PDE4D: variants seen among roughly 807,000 people sequenced by gnomAD.
PDE4D encodes the protein 3',5'-cyclic-AMP phosphodiesterase 4D.
A neutral mutation model predicts 87.4 loss-of-function variants in PDE4D; 24 were observed. That is an observed-to-expected ratio of 0.27 (90% CI 0.20 to 0.39). The LOEUF (loss-of-function observed/expected upper bound fraction) is 0.39. Among genes scored for constraint, PDE4D ranks in the 10% least tolerant of loss-of-function variants. The pLI is 1.00. For missense variants in PDE4D, 714 were observed against 1,041.0 expected, an observed-to-expected ratio of 0.69 and a Z score of 4.32; for synonymous variants, 384 against 383.2, an observed-to-expected ratio of 1.00 and a Z score of -0.02.
chr5:59,100,405 T>C (rs1187210935), intron 5 of PDE4D, among the ~76,000 whole-genome samples: 1 of 152,222 alleles, frequency 6.6e-6, no homozygotes, highest in Non-Finnish European at 1.5e-5. Flanking sequence ...CTTTCGTTTA[T>C]GGAGATTCCA....
intron 1 of PDE4D, among the ~76,000 whole-genome samples, chr5:59,750,082 A>AC (rs200943022): frequency 9.3e-6 from 1 of 107,836 alleles, no homozygotes; most frequent in African/African-American, 3.7e-5. Flanking sequence ...CAGAATTATG[A>AC]CCTTTTTTTT....
At chr5:59,545,509 C>T (rs1342868699) in intron 1 of PDE4D, among the ~76,000 whole-genome samples, 8 of 152,088 alleles carry the variant, frequency 5.3e-5, no homozygotes, top group African/African-American at 1.7e-4. Context: ...TTTCCCAAAA[C>T]CATAGATAAC....
chr5:59,662,098 C>T (rs1745344970), intron 1 of PDE4D, among the ~76,000 whole-genome samples: 1 of 152,162 alleles, frequency 6.6e-6, no homozygotes, highest in Non-Finnish European at 1.5e-5. Flanking sequence ...CTTCCCCCAG[C>T]CTCTTGCTCT....
rs911450964 is a variant in PDE4D, at chr5:59,008,588, T to C, written c.922-15123A>G. Among the ~76,000 whole-genome samples the C allele has an allele frequency of 2.6e-5, 4 of 152,000 alleles. No individual in the cohort carries two copies. The South Asian group carries it at 8.3e-4, about 31-fold the overall frequency. On this transcript the variant is annotated intron_variant, in intron 6 of 14. Coordinates refer to ENST00000340635, the MANE Select transcript of PDE4D (RefSeq NM_001104631.2). ...ATCCTGCACCACACTAACATCTACT[T>C]GAAATGAATCATAGAACTAAATGTA...
chr5:59,799,980 C>T (rs542189888), intron 1 of PDE4D, among the ~76,000 whole-genome samples: 6 of 152,088 alleles, frequency 3.9e-5, no homozygotes, highest in East Asian at 1.9e-4. Context: ...CAAAATTCTA[C>T]GAAAGGCAGG....
At chr5:60,026,595 A>G (rs1766649973) in intron 2 of PDE4D, among the ~76,000 whole-genome samples, 1 of 152,130 alleles carries the variant, frequency 6.6e-6, no homozygotes, top group East Asian at 1.9e-4. Context: ...AACTCGATGA[A>G]TAATATTTAG....
intron 1 of PDE4D, among the ~76,000 whole-genome samples, chr5:59,531,032 A>T (rs1385217484): frequency 6.6e-6 from 1 of 152,252 alleles, no homozygotes; most frequent in Non-Finnish European, 1.5e-5. Flanking sequence ...TCCAGCAAAC[A>T]TGAAAAAGTA....
intron 5 of PDE4D, among the ~76,000 whole-genome samples, chr5:59,140,455 A>G (rs1424991645): frequency 6.6e-6 from 1 of 152,166 alleles, no homozygotes; most frequent in Non-Finnish European, 1.5e-5. Context: ...TATTTCTTGG[A>G]TGGAAAATTT....
intron 2 of PDE4D, among the ~76,000 whole-genome samples, chr5:60,112,726 C>T (rs1055546163): frequency 6.6e-6 from 1 of 152,044 alleles, no homozygotes; most frequent in African/African-American, 2.4e-5. Flanking sequence ...GCCATAACAC[C>T]CTCTGCCGAC....
chr5:59,753,534 G>A (rs1185055321), intron 1 of PDE4D, among the ~76,000 whole-genome samples: 1 of 152,152 alleles, frequency 6.6e-6, no homozygotes, highest in South Asian at 2.1e-4. Flanking sequence ...GGGAAATGAG[G>A]TTTAAGAGTA....
intron 1 of PDE4D, among the ~76,000 whole-genome samples, chr5:59,457,301 C>T (rs1211750252): frequency 6.6e-6 from 1 of 152,178 alleles, no homozygotes; most frequent in Non-Finnish European, 1.5e-5. Context: ...AAAAAGATTA[C>T]TACTTGCTGA....
chr5:59,965,417 C>T (rs987363083), intron 3 of PDE4D, among the ~76,000 whole-genome samples: 1 of 152,126 alleles, frequency 6.6e-6, no homozygotes, highest in African/African-American at 2.4e-5. Context: ...CATGGTTACC[C>T]TAAAACTCTA....
At chr5:60,483,806 T>C (rs1441445144) in intron 1 of PDE4D, among the ~76,000 whole-genome samples, 4 of 152,206 alleles carry the variant, frequency 2.6e-5, no homozygotes, top group African/African-American at 4.8e-5. Flanking sequence ...CACTCCATTT[T>C]AATACGTTTT....
intron 1 of PDE4D, among the ~76,000 whole-genome samples, chr5:60,356,253 T>C (rs1254657188): frequency 6.6e-6 from 1 of 152,186 alleles, no homozygotes; most frequent in African/African-American, 2.4e-5. Context: ...ACAGAGTGAT[T>C]ATTATGTTCT....
chr5:60,374,870 T>C (rs1761311971), intron 1 of PDE4D, among the ~76,000 whole-genome samples: 1 of 152,236 alleles, frequency 6.6e-6, no homozygotes, highest in South Asian at 2.1e-4. Context: ...AATATGCACA[T>C]ATACATATAT....
At chr5:60,019,990 T>C (rs1765884827) in intron 2 of PDE4D, among the ~76,000 whole-genome samples, 1 of 152,174 alleles carries the variant, frequency 6.6e-6, no homozygotes, top group Non-Finnish European at 1.5e-5. Flanking sequence ...CTCACTAAGA[T>C]TAATCATTTC....
intron 2 of PDE4D, among the ~76,000 whole-genome samples, chr5:60,084,155 G>C (rs1298707658): frequency 6.6e-6 from 1 of 152,142 alleles, no homozygotes; most frequent in Non-Finnish European, 1.5e-5. Flanking sequence ...AAATAGACAA[G>C]AAATAAACCC....
intron 1 of PDE4D, among the ~76,000 whole-genome samples, chr5:59,611,700 G>C (rs940198531): frequency 6.6e-6 from 1 of 152,108 alleles, no homozygotes; most frequent in Non-Finnish European, 1.5e-5. Flanking sequence ...ACAAATTTAA[G>C]ATTACTTAGC....
intron 1 of PDE4D, among the ~76,000 whole-genome samples, chr5:59,460,080 T>C (rs1800530908): frequency 6.7e-6 from 1 of 149,364 alleles, no homozygotes; most frequent in Middle Eastern, 3.2e-3. Flanking sequence ...ATACAGAAAA[T>C]AGACATAAGT....
Sources: gnomAD v4.1 joint callset for allele counts (sites outside exome capture counted in the v4.1 genomes callset) on GRCh38, gnomAD v4.1.1 for gene constraint, MANE v1.5 for transcripts, NCBI Gene and HGNC (gene_info 2026-07-23, HGNC 2026-07-21) for gene names.